Variants in C5 observed in about 807,000 individuals in gnomAD.
The protein encoded by C5 is C3 and PZP-like alpha-2-macroglobulin domain-containing protein 4.
Under a neutral mutation model 218.8 loss-of-function variants are expected in C5, and 140 were observed. The ratio of observed to expected loss-of-function variants is 0.64; its 90% confidence interval spans 0.56 to 0.74. The LOEUF (loss-of-function observed/expected upper bound fraction) is 0.74, where lower values mean the gene tolerates loss of function less well. C5 is among the 30% of genes least tolerant of loss of function. The pLI is 0.00. For missense variants in C5, 1,700 were observed against 1,969.6 expected (o/e 0.86, Z 2.59); for synonymous variants, 614 against 682.3 (o/e 0.90, Z 1.56).
At chr9:120,956,453 T>G (rs765782556) in intron 39 of C5, among the ~76,000 whole-genome samples, 1 of 152,192 alleles carries the variant, frequency 6.6e-6, no homozygotes, top group Non-Finnish European at 1.5e-5. Flanking sequence ...CATTCCACGC[T>G]CATGGATAGG....
At chr9:120,983,965 C>T (rs1190206990) in intron 25 of C5, among the ~76,000 whole-genome samples, 1 of 152,212 alleles carries the variant, frequency 6.6e-6, no homozygotes, top group African/African-American at 2.4e-5. Context: ...TCCATCCCAA[C>T]CACACCAAAA....
At chr9:121,034,972 T>C in intron 4 of C5, 78 bp from the exon 5 acceptor site, 1 of 696,758 alleles carries the variant, frequency 1.4e-6, no homozygotes, top group Non-Finnish European at 2.5e-6. Flanking sequence ...ATCTTTGATG[T>C]ACAAAATATT....
At chr9:121,021,813 G>T in intron 10 of C5, 119 bp from the exon 11 acceptor site, 1 of 1,018,222 alleles carries the variant, frequency 9.8e-7, no homozygotes, top group Non-Finnish European at 1.5e-6. Context: ...ATTTTTTTCT[G>T]AAAATTTTTT....
the C5 span, among the ~76,000 whole-genome samples, chr9:121,065,339 C>T: frequency 3.3e-5 from 5 of 152,102 alleles, no homozygotes; most frequent in Admixed American, 2.6e-4. Flanking sequence ...GAGAAAATTG[C>T]GGAGAAAATT....
At chr9:121,011,173 A>C (rs1470948332) in intron 17 of C5, among the ~76,000 whole-genome samples, 1 of 152,190 alleles carries the variant, frequency 6.6e-6, no homozygotes, top group Non-Finnish European at 1.5e-5. Context: ...CAAAGGAATC[A>C]ATAAAGTAAG....
intron 1 of C5, among the ~76,000 whole-genome samples, chr9:121,048,264 G>A (rs1422491165): frequency 6.6e-6 from 1 of 152,110 alleles, no homozygotes; most frequent in African/African-American, 2.4e-5. Context: ...CCCAACCCCT[G>A]GGCCATGGAC....
chr9:121,005,553 A>G (rs1355938224), intron 20 of C5, among the ~76,000 whole-genome samples: 1 of 152,200 alleles, frequency 6.6e-6, no homozygotes, highest in African/African-American at 2.4e-5. Context: ...AGTGAAGATG[A>G]GTATGAATGG....
intron 33 of C5, among the ~76,000 whole-genome samples, chr9:120,968,093 C>G (rs2046882832): frequency 6.6e-6 from 1 of 152,126 alleles, no homozygotes; most frequent in South Asian, 2.1e-4. Context: ...CCAAGGGTGT[C>G]CATGTCCTAA....
At chr9:121,040,478 G>T (rs898700040) in intron 3 of C5, among the ~76,000 whole-genome samples, 1 of 152,140 alleles carries the variant, frequency 6.6e-6, no homozygotes, top group East Asian at 1.9e-4. Context: ...AATCCCTCAA[G>T]AATCTTCAGA....
chr9:121,068,544 A>C, the C5 span, among the ~76,000 whole-genome samples: 1 of 152,178 alleles, frequency 6.6e-6, no homozygotes, highest in Non-Finnish European at 1.5e-5. Flanking sequence ...TATTAAAATG[A>C]CCATACTACT....
chr9:121,010,662 G>T (rs905424951), intron 17 of C5, among the ~76,000 whole-genome samples: 2 of 151,954 alleles, frequency 1.3e-5, no homozygotes, highest in African/African-American at 2.4e-5. Flanking sequence ...AACTACAAAA[G>T]ACCAGAATAG....
At position 121,027,212 on chromosome 9, in the gene C5, T is replaced by A; in HGVS notation, c.821A>T (p.Asp274Val). 1.2e-6 allele frequency: 2 copies of A among 1,603,866 alleles called. No homozygotes were observed. The highest frequency in any genetic ancestry group is 8.5e-7 in the Non-Finnish European group (1 of 1,172,174). The change falls in exon 8 of 41, where the codon GAC (aspartate) becomes GTC (valine). Residue 274 changes from aspartate (D) to valine (V), a missense_variant. Physicochemically the swap from Asp to Val is radical, Grantham distance 152 (BLOSUM62 -3). Transcript: ENST00000223642. Reference sequence around the variant, plus strand: ...CATTTCTTTTTGATCATCTTTTAAGTCTTCTCTTATTCCAAATGTGATATA... The same window carrying A: ...CATTTCTTTTTGATCATCTTTTAAGACTTCTCTTATTCCAAATGTGATATA... ...DVYITFGIREDLKDDQKEMMQ... is the reference protein window; with the variant it reads ...DVYITFGIREVLKDDQKEMMQ...
At chr9:121,013,242 C>A (rs1266499325) in intron 17 of C5, among the ~76,000 whole-genome samples, 2 of 150,764 alleles carry the variant, frequency 1.3e-5, no homozygotes, top group Non-Finnish European at 2.9e-5. Flanking sequence ...ATCGCTTGAA[C>A]CCAGAGGCAG....
chr9:121,059,259 TAAG>T, the C5 span, among the ~76,000 whole-genome samples: 3 of 152,134 alleles, frequency 2.0e-5, no homozygotes, highest in Non-Finnish European at 2.9e-5. The surrounding 1 kb of genome is among the most constrained non-coding windows in gnomAD (Gnocchi z 4.1). Flanking sequence ...TGGAAAATAA[TAAG>T]GCTAAGAGAA....
chr9:121,034,693 T>C (rs1413192267), intron 5 of C5, 110 bp downstream of exon 5: 1 of 659,838 alleles, frequency 1.5e-6, no homozygotes, highest in African/African-American at 1.8e-5. Context: ...ATTTTGCATA[T>C]CCACCTATGT....
chr9:121,032,592 A>G (rs576317161), intron 5 of C5, among the ~76,000 whole-genome samples: 1 of 152,264 alleles, frequency 6.6e-6, no homozygotes, highest in African/African-American at 2.4e-5. Flanking sequence ...ATACAAGACA[A>G]GCTTATACAG....
rs1471418306 is a variant in C5 at position 121,025,521 on chromosome 9, T to C, written c.933A>G (p.Ser311=). 3 of 1,611,760 alleles carry C rather than the reference T, an allele frequency of 1.9e-6. No individual in the cohort carries two copies. The highest frequency in any genetic ancestry group is 2.2e-5 in the South Asian group (2 of 91,044). Residue 311 remains serine, a synonymous_variant, in exon 9 of 41, where the codon TCA becomes TCG. Coordinates refer to ENST00000223642, the MANE Select transcript of C5 (RefSeq NM_001735.3). ...FDSETAVKEL[S]YYSLEDLNNK... ...TGTTTAAATCTTCTAAACTGTAGTA[T>C]GACAGTTCTTTGACTGCTGTTTCAG...
chr9:121,048,038 A>T (rs2047642433), intron 1 of C5, among the ~76,000 whole-genome samples: 1 of 152,186 alleles, frequency 6.6e-6, no homozygotes, highest in African/African-American at 2.4e-5. Context: ...GGATTTATGA[A>T]TTCTATAATT....
Position 120,989,615 on chromosome 9 carries a change from G to C in C5, c.3107C>G (p.Ser1036Cys). The change falls in exon 24 of 41, where the codon TCT becomes TGT. Residue 1036 changes from serine (S) to cysteine (C), a missense_variant. Physicochemically the swap from Ser to Cys is moderately radical, Grantham distance 112. Coordinates refer to ENST00000223642, the MANE Select transcript of C5 (RefSeq NM_001735.3). ...TTTCTGCTTTTCAATTAATGGGTCA[G>C]AATGAAAAATGTTCCAATGATTTCC... Reference protein sequence around the residue: ...ETGNHWNIFHSDPLIEKQKLK... With the variant: ...ETGNHWNIFHCDPLIEKQKLK... 1 of 1,612,440 alleles carries C rather than the reference G, an allele frequency of 6.2e-7. No homozygotes were observed. Among genetic ancestry groups the C allele is most frequent in the Non-Finnish European group, 8.5e-7 (1 of 1,179,242 alleles).
Sources: gnomAD v4.1 joint callset for allele counts (sites outside exome capture counted in the v4.1 genomes callset) on GRCh38, gnomAD v4.1.1 for gene constraint, Gnocchi (gnomAD v3.1) non-coding constraint, MANE v1.5 for transcripts, NCBI Gene and HGNC (gene_info 2026-07-23, HGNC 2026-07-21) for gene names.